The following MYO9B variants were observed in gnomAD, a reference collection of about 807,000 sequenced individuals.
MYO9B encodes unconventional myosin-IXb.
Under a neutral mutation model 229.5 loss-of-function variants are expected in MYO9B, and 71 were observed. That is an observed-to-expected ratio of 0.31 (90% confidence interval 0.26 to 0.38). The LOEUF is 0.38. Ranked by LOEUF, MYO9B falls within the 10% of genes least tolerant of loss-of-function variation. MYO9B has a pLI of 1.00. For missense variants in MYO9B, 2,255 were observed against 2,920.5 expected (o/e 0.77, Z 5.25); for synonymous variants, 1,185 against 1,235.8 (o/e 0.96, Z 0.86).
chr19:17,132,348 G>A (rs2072209177), intron 2 of MYO9B, among the ~76,000 whole-genome samples: 1 of 150,058 alleles, frequency 6.7e-6, no homozygotes, highest in South Asian at 2.1e-4. Context: ...ACCACGCCCG[G>A]CTAATTTTTG....
intron 17 of MYO9B, among the ~76,000 whole-genome samples, chr19:17,185,477 C>T (rs1440419440): frequency 1.1e-4 from 17 of 149,740 alleles, no homozygotes; most frequent in African/African-American, 3.2e-4. Context: ...ACCTGGGAGG[C>T]GGAGGCTGTA....
intron 17 of MYO9B, among the ~76,000 whole-genome samples, 155 bp downstream of exon 17, chr19:17,185,142 G>A (rs530607774): frequency 5.3e-5 from 8 of 152,226 alleles, no homozygotes; most frequent in African/African-American, 9.6e-5. Flanking sequence ...TTGGGAGGCC[G>A]AGGCGGGCGG....
At chr19:17,203,052 A>G in intron 29 of MYO9B, 95 bp from the exon 30 acceptor site, 2 of 1,372,826 alleles carry the variant, frequency 1.5e-6, no homozygotes, top group Non-Finnish European at 2.0e-6. Context: ...GTCTTGAATA[A>G]GTCACCCCTG....
intron 2 of MYO9B, among the ~76,000 whole-genome samples, chr19:17,115,406 C>T (rs1480357982): frequency 6.6e-5 from 10 of 151,682 alleles, no homozygotes; most frequent in Admixed American, 2.0e-4. Flanking sequence ...TTGTCTACCC[C>T]AGTACATCCA....
chr19:17,080,543 A>T (rs1275321090), intron 1 of MYO9B, among the ~76,000 whole-genome samples: 1 of 151,986 alleles, frequency 6.6e-6, no homozygotes. Flanking sequence ...CACCCTAATG[A>T]CATCATTTTA....
At chr19:17,205,108 G>A (rs545689736) in intron 30 of MYO9B, among the ~76,000 whole-genome samples, 155 bp from the exon 31 acceptor site, 34 of 149,956 alleles carry the variant, frequency 2.3e-4, no homozygotes, top group African/African-American at 8.1e-4. Context: ...CCGAGATCAC[G>A]CCATTGCGCT....
intron 3 of MYO9B, among the ~76,000 whole-genome samples, chr19:17,149,143 T>C (rs1029547029): frequency 6.6e-6 from 1 of 151,638 alleles, no homozygotes; most frequent in Non-Finnish European, 1.5e-5. Context: ...CCTGGCTAAT[T>C]TTTTATTTTT....
rs778849143 is a variant in MYO9B, at chr19:17,195,390, C to T, written c.3963C>T (p.Ala1321=). The T allele has an allele frequency of 1.9e-5, 31 of 1,609,986 alleles. No individual in the cohort carries two copies. Among genetic ancestry groups the T allele is most frequent in the Non-Finnish European group, 2.0e-5 (23 of 1,179,398 alleles). ...GGCGGGGCAAGAAGCTGGTGGCCGC[C>T]GCCAGCCCTAGTGCCATGCTCAGCC... The part of the protein sequence containing the change: ...ELWRGKKLVA[A]ASPSAMLSQS... Residue 1321 remains alanine (A), a synonymous_variant, in exon 22 of 40, where the codon GCC becomes GCT. Transcript: ENST00000682292. This position sits in a 1 kb window ranked among gnomAD's most constrained non-coding sequence, Gnocchi z 4.5.
In MYO9B at chr19:17,175,723, C is replaced by A. The variant is rs2145377121; in HGVS notation, c.2201C>A (p.Pro734His). The A allele has an allele frequency of 6.3e-7, 1 of 1,575,180 alleles. No homozygotes were observed. The highest frequency in any genetic ancestry group is 2.3e-5 in the East Asian group (1 of 42,760). ...PEELPRGASTPSEKLYRDLHN... is the reference protein window; with the variant it reads ...PEELPRGASTHSEKLYRDLHN... ...GAGCTGCCAAGAGGAGCCAGCACCC[C>A]TTCGGAAAAACTTTACCGGTGAGCA... The change falls in exon 14 of 40, where the codon CCT (proline) becomes CAT (histidine). Residue 734 changes from proline (P) to histidine (H), a missense_variant. Transcript: ENST00000682292.
Position 17,194,787 on chromosome 19 carries a change from C to T in MYO9B, c.3360C>T (p.Ala1120=). The change falls in exon 22 of 40, where the codon GCC becomes GCT. Residue 1120 remains alanine, a synonymous_variant. Transcript: ENST00000682292. The part of the protein sequence containing the change: ...PLEHSSPEKE[A]PSPEKTLPPQ... The stretch of plus-strand genomic sequence containing the variant: ...AGCACTCCTCACCTGAGAAGGAGGC[C>T]CCAAGCCCAGAGAAGACTCTCCCAC... 6.2e-7 allele frequency: 1 copy of T among 1,613,332 alleles called. No individual in the cohort carries two copies. The highest frequency in any genetic ancestry group is 8.5e-7 in the Non-Finnish European group (1 of 1,179,874).
chr19:17,117,688 A>G (rs2057918318), intron 2 of MYO9B, among the ~76,000 whole-genome samples: 1 of 152,082 alleles, frequency 6.6e-6, no homozygotes, highest in Non-Finnish European at 1.5e-5. Context: ...CTGTAAGCCC[A>G]GCACTTTTAG....
At chr19:17,125,298 C>CA (rs1491416462) in intron 2 of MYO9B, among the ~76,000 whole-genome samples, 1 of 16,036 alleles carries the variant, frequency 6.2e-5, no homozygotes, top group Non-Finnish European at 1.1e-4. Flanking sequence ...AAAACCCCAT[C>CA]CCCCCCCCCC....
chr19:17,123,146 A>G (rs549732589), intron 2 of MYO9B, among the ~76,000 whole-genome samples: 4 of 152,226 alleles, frequency 2.6e-5, no homozygotes, highest in Non-Finnish European at 4.4e-5. Flanking sequence ...GCTTGCAAGT[A>G]TATAAAGCAA....
At chr19:17,083,645 CTTT>C (rs5827358) in intron 1 of MYO9B, among the ~76,000 whole-genome samples, 95 of 121,162 alleles carry the variant, frequency 7.8e-4, no homozygotes, top group African/African-American at 2.5e-3. Context: ...ATGCTGCCCT[CTTT>C]TTTTTTTTTT....
chr19:17,212,470 CAGGGAG>C lies in MYO9B; in HGVS notation c.*164_*169del. Reference sequence around the variant, plus strand: ...ACCGGCCCCAAGTGCAGAGTCAAGGCAGGGAGAGGCCGGCTGGAGCCAGGCCCCCTC... The same window carrying C: ...ACCGGCCCCAAGTGCAGAGTCAAGGCAGGCCGGCTGGAGCCAGGCCCCCTC... On this transcript the variant is annotated 3_prime_UTR_variant, in exon 40 of 40. Coordinates refer to ENST00000682292, the MANE Select transcript of MYO9B (RefSeq NM_004145.4). This position sits in a 1 kb window ranked among gnomAD's most constrained non-coding sequence, Gnocchi z 5.4. 2.3e-6 allele frequency: 2 copies of C among 885,314 alleles called. No homozygotes were observed. Among genetic ancestry groups the C allele is most frequent in the Non-Finnish European group, 3.2e-6 (2 of 627,328 alleles). The allele number at this position is 885,314 out of a possible 1,614,324, so 54.8% of individuals were successfully genotyped here.
chr19:17,104,027 G>A (rs2057770318), intron 2 of MYO9B, among the ~76,000 whole-genome samples: 1 of 147,596 alleles, frequency 6.8e-6, no homozygotes, highest in Non-Finnish European at 1.5e-5. Context: ...CTGCACTCCA[G>A]CCTGGGTGAC....
At chr19:17,148,880 G>A (rs2072445907) in intron 3 of MYO9B, among the ~76,000 whole-genome samples, 1 of 151,760 alleles carries the variant, frequency 6.6e-6, no homozygotes, top group Non-Finnish European at 1.5e-5. Context: ...CACCACGCCC[G>A]ACCCCCTCTT....
chr19:17,151,199 A>G (rs1021353204), intron 3 of MYO9B, among the ~76,000 whole-genome samples: 1 of 151,348 alleles, frequency 6.6e-6, no homozygotes, highest in African/African-American at 2.4e-5. Flanking sequence ...AATTGCTTGA[A>G]CCCAGGAGGC....
chr19:17,209,461 C>A, intron 35 of MYO9B, 125 bp from the exon 36 acceptor site: 1 of 1,006,818 alleles, frequency 9.9e-7, no homozygotes, highest in Non-Finnish European at 1.5e-6. Context: ...ACAGCCGTGT[C>A]CCAGGCACTG....
Sources: gnomAD v4.1 joint callset for allele counts (sites outside exome capture counted in the v4.1 genomes callset) on GRCh38, gnomAD v4.1.1 for gene constraint, Gnocchi (gnomAD v3.1) non-coding constraint, MANE v1.5 for transcripts, NCBI Gene and HGNC (gene_info 2026-07-23, HGNC 2026-07-21) for gene names.